ZNF865: variants seen among roughly 807,000 people sequenced by gnomAD.
The protein encoded by ZNF865 is zinc finger protein 865.
For missense variants in ZNF865, 1,311 were observed against 1,593.4 expected (o/e 0.82, Z 3.02); for synonymous variants, 763 against 750.8 (o/e 1.02, Z -0.27).
At position 55,616,490 on chromosome 19, in the gene ZNF865, C is replaced by A. The variant is rs1473395472; in HGVS notation, c.2872C>A (p.Arg958Ser). 2 of 1,533,832 alleles carry A rather than the reference C, an allele frequency of 1.3e-6. No homozygotes were observed. The highest frequency in any genetic ancestry group is 1.7e-6 in the Non-Finnish European group (2 of 1,145,718). Residue 958 changes from arginine to serine, a missense_variant, in exon 2 of 2, where the codon CGC becomes AGC. Physicochemically the swap from Arg to Ser is moderately radical, Grantham distance 110. Transcript: ENST00000568956. The stretch of plus-strand genomic sequence containing the variant: ...GCACCAGCGGCTGCACCTGGGCGAG[C>A]GCGCCTACCGCTGTGAGCACTGCGG... The part of the protein sequence containing the change: ...LEHQRLHLGE[R>S]AYRCEHCGKG...
rs932358956 is a variant in ZNF865, at chr19:55,613,921, C to T, written c.303C>T (p.Ser101=). 1.6e-5 allele frequency: 24 copies of T among 1,527,164 alleles called. No individual in the cohort carries two copies. Among genetic ancestry groups the T allele is most frequent in the Non-Finnish European group, 2.1e-5 (24 of 1,139,628 alleles). 94.6% of individuals were successfully genotyped at this position (1,527,164 alleles called of 1,614,324 possible). ...VPSSSSSSSS[S]SSSSSSSSSS... ...CCTCGTCCTCGTCCTCGTCCTCCTCCTCCTCCTCTTCGTCCTCCTCGTCGT... is the reference window on the plus strand; with the variant it reads ...CCTCGTCCTCGTCCTCGTCCTCCTCTTCCTCCTCTTCGTCCTCCTCGTCGT... Residue 101 remains serine (S), a synonymous_variant, in exon 2 of 2, where the codon TCC becomes TCT. Coordinates refer to ENST00000568956, the MANE Select transcript of ZNF865 (RefSeq NM_001195605.2).
At chr19:55,613,532 T>C in intron 1 of ZNF865, 61 bp from the exon 2 acceptor site, 1 of 1,378,654 alleles carries the variant, frequency 7.3e-7, no homozygotes. Context: ...CACAGCTCCA[T>C]TCACCTGCGG....
chr19:55,607,370 T>C (rs1347639217), intron 1 of ZNF865, among the ~76,000 whole-genome samples: 1 of 134,712 alleles, frequency 7.4e-6, no homozygotes, highest in African/African-American at 2.9e-5. Context: ...AAGGCCAAAG[T>C]GGGAGGATCG....
intron 1 of ZNF865, among the ~76,000 whole-genome samples, chr19:55,612,155 G>C (rs1473969443): frequency 1.3e-5 from 2 of 152,078 alleles, no homozygotes; most frequent in Non-Finnish European, 2.9e-5. Flanking sequence ...GCTGATGCAT[G>C]TGTTTCATTA....
chr19:55,613,924 C>CTCCTCTTCG lies in ZNF865; in HGVS notation c.312_320dup (p.Ser115_Ser117dup). On this transcript the variant is annotated inframe_insertion, in exon 2 of 2. Transcript: ENST00000568956. Reference sequence around the variant, plus strand: ...CGTCCTCGTCCTCGTCCTCCTCCTCCTCCTCTTCGTCCTCCTCGTCGTCAT... The same window carrying CTCCTCTTCG: ...CGTCCTCGTCCTCGTCCTCCTCCTCCTCCTCTTCGTCCTCTTCGTCCTCCTCGTCGTCAT... 1 of 1,528,192 alleles carries CTCCTCTTCG rather than the reference C, an allele frequency of 6.5e-7. No homozygotes were observed. The highest frequency in any genetic ancestry group is 8.8e-7 in the Non-Finnish European group (1 of 1,140,520). 94.7% of individuals were successfully genotyped at this position (1,528,192 alleles called of 1,614,324 possible). A position where few individuals can be genotyped will look rare whatever the true frequency, so the allele number is the denominator to read the frequency against.
At chr19:55,607,200 T>G (rs767817924) in intron 1 of ZNF865, among the ~76,000 whole-genome samples, 4 of 152,134 alleles carry the variant, frequency 2.6e-5, no homozygotes, top group African/African-American at 9.7e-5. Context: ...TGAACAACTG[T>G]TTAATGAGCA....
In ZNF865 at chr19:55,616,314, C is replaced by G. The variant is rs186274628; in HGVS notation, c.2696C>G (p.Thr899Ser). 1 of 1,522,122 alleles carries G rather than the reference C, an allele frequency of 6.6e-7. No individual in the cohort carries two copies. The highest frequency in any genetic ancestry group is 2.5e-5 in the East Asian group (1 of 40,414). 94.3% of individuals were successfully genotyped at this position (1,522,122 alleles called of 1,614,324 possible). Residue 899 changes from threonine to serine, a missense_variant, in exon 2 of 2, where the codon ACT becomes AGT. Coordinates refer to ENST00000568956, the MANE Select transcript of ZNF865 (RefSeq NM_001195605.2). The stretch of plus-strand genomic sequence containing the variant: ...CTGCGGCAGCACCGCGTGGTGCACA[C>G]TGGCGAGCGGGCCTTCAAGTGCGGC... Reference protein sequence around the residue: ...WYLRQHRVVHTGERAFKCGVC... With the variant: ...WYLRQHRVVHSGERAFKCGVC...
rs1251065448 is a variant in ZNF865, at chr19:55,613,351, G to A, written c.-26-242G>A. On this transcript the variant is annotated intron_variant, in intron 1 of 1. Transcript: ENST00000568956. ...GGAATTAGAGAAGGAAAAGAGGTGG[G>A]GAGTGGGTGGGAGTTGAGAACACAG... 2.0e-5 allele frequency among the ~76,000 whole-genome samples: 3 copies of A among 152,162 alleles called. No individual in the cohort carries two copies. In the East Asian group the frequency reaches 5.8e-4, roughly 29 times the overall value.
chr19:55,605,878 C>G (rs1980920328), intron 1 of ZNF865, 146 bp downstream of exon 1: 2 of 152,442 alleles, frequency 1.3e-5, no homozygotes. Context: ...GACCCCCAAT[C>G]ACTGCTCCCC....
At position 55,616,185 on chromosome 19, in the gene ZNF865, G is replaced by C. The variant is rs1207938809; in HGVS notation, c.2567G>C (p.Arg856Pro). 1 of 1,519,618 alleles carries C rather than the reference G, an allele frequency of 6.6e-7. No homozygotes were observed. Among genetic ancestry groups the C allele is most frequent in the East Asian group, 2.5e-5 (1 of 40,246 alleles). 94.1% of individuals were successfully genotyped at this position (1,519,618 alleles called of 1,614,324 possible). ...RGFRCPVCGK[R>P]FWEAALLMRH... is the part of the protein sequence containing the mutation. ...TTCCGCTGCCCGGTGTGCGGGAAGC[G>C]CTTCTGGGAGGCGGCCCTGCTGATG... Residue 856 changes from arginine (R) to proline (P), a missense_variant, in exon 2 of 2, where the codon CGC becomes CCC. Physicochemically the swap from Arg to Pro is moderately radical, Grantham distance 103 (BLOSUM62 -2). Transcript: ENST00000568956.
At chr19:55,613,371 A>C (rs1981206249) in intron 1 of ZNF865, among the ~76,000 whole-genome samples, 1 of 152,118 alleles carries the variant, frequency 6.6e-6, no homozygotes, top group Non-Finnish European at 1.5e-5. Context: ...GGAGTTGAGA[A>C]CACAGAGAGG....
rs1302105147 is a variant in ZNF865, at chr19:55,611,902, G to A, written c.-26-1691G>A. Among the ~76,000 whole-genome samples, 1 of 152,206 alleles carries A rather than the reference G, an allele frequency of 6.6e-6. No homozygotes were observed. Among genetic ancestry groups the A allele is most frequent in the Non-Finnish European group, 1.5e-5 (1 of 68,044 alleles). On this transcript the variant is annotated intron_variant, in intron 1 of 1. Transcript: ENST00000568956. This position sits in a 1 kb window ranked among gnomAD's most constrained non-coding sequence, Gnocchi z 4.5. Reference sequence around the variant, plus strand: ...ACGGGTGCTGAGGGTCTGGTGTGGTGTGGGGTACACACATGGATACCTGCC... The same window carrying A: ...ACGGGTGCTGAGGGTCTGGTGTGGTATGGGGTACACACATGGATACCTGCC...
chr19:55,613,648 C>T lies in ZNF865; in HGVS notation c.30C>T (p.Ala10=), dbSNP rs1161247202. ...AGGCGAACCCAGCGGGCAGCGGCGC[C>T]GGGGGTGGCGGGAGCAGCGGCATCG... is the stretch of plus-strand genomic sequence containing the variant. MEANPAGSG[A]GGGGSSGIGG... The change falls in exon 2 of 2, where the codon GCC becomes GCT. Residue 10 remains alanine, a synonymous_variant. Transcript: ENST00000568956. 36 of 1,525,464 alleles carry T rather than the reference C, an allele frequency of 2.4e-5. No individual in the cohort carries two copies. The highest frequency in any genetic ancestry group is 1.2e-5 in the South Asian group (1 of 82,694). The allele number at this position is 1,525,464 out of a possible 1,614,324, so 94.5% of individuals were successfully genotyped here.
rs539300841 is a variant in ZNF865 at position 55,613,769 on chromosome 19, C to T, written c.151C>T (p.His51Tyr). 23 of 1,533,972 alleles carry T rather than the reference C, an allele frequency of 1.5e-5. No individual in the cohort carries two copies. Among genetic ancestry groups the T allele is most frequent in the Non-Finnish European group, 1.9e-5 (22 of 1,145,910 alleles). Residue 51 changes from histidine (H) to tyrosine (Y), a missense_variant, in exon 2 of 2, where the codon CAC becomes TAC. Physicochemically the swap from His to Tyr is moderately conservative, Grantham distance 83. Transcript: ENST00000568956. ...RFEPMELYGE[H>Y]AKAVAALPCA... ...CGAGCCCATGGAACTGTATGGGGAA[C>T]ACGCCAAGGCGGTGGCGGCCCTGCC...
In ZNF865 at chr19:55,615,211, C is replaced by CGGCGCGGGGACCAGCGGGGCGGGA. The variant is rs1981308442; in HGVS notation, c.1597_1620dup (p.Ala533_Gly540dup). ...TGGGCGCCCACCCGCTGCTGCTCGGCGGCGCGGGGACCAGCGGGGCGGGAG... is the reference window on the plus strand; with the variant it reads ...TGGGCGCCCACCCGCTGCTGCTCGGCGGCGCGGGGACCAGCGGGGCGGGAGGCGCGGGGACCAGCGGGGCGGGAG... On this transcript the variant is annotated inframe_insertion, in exon 2 of 2. Coordinates refer to ENST00000568956, the MANE Select transcript of ZNF865 (RefSeq NM_001195605.2). 9.6e-6 allele frequency: 14 copies of CGGCGCGGGGACCAGCGGGGCGGGA among 1,451,862 alleles called. No individual in the cohort carries two copies. The highest frequency in any genetic ancestry group is 2.8e-5 in the Admixed American group (1 of 36,324). 89.9% of individuals were successfully genotyped at this position (1,451,862 alleles called of 1,614,324 possible). A position where few individuals can be genotyped will look rare whatever the true frequency, so the allele number is the denominator to read the frequency against.
At position 55,615,668 on chromosome 19, in the gene ZNF865, G is replaced by A. The variant is rs1445251779; in HGVS notation, c.2050G>A (p.Val684Ile). Reference sequence around the variant, plus strand: ...CGAGCACTTCCCGGATCTCTTTCACGTCATGAGTCACAAGGAGGTCCACAT... The same window carrying A: ...CGAGCACTTCCCGGATCTCTTTCACATCATGAGTCACAAGGAGGTCCACAT... ...CGEHFPDLFH[V>I]MSHKEVHMAE... The change falls in exon 2 of 2, where the codon GTC becomes ATC. Residue 684 changes from valine (V) to isoleucine (I), a missense_variant. Val to Ile is a conservative substitution (Grantham distance 29, BLOSUM62 3). Coordinates refer to ENST00000568956, the MANE Select transcript of ZNF865 (RefSeq NM_001195605.2). The A allele has an allele frequency of 5.9e-6, 9 of 1,534,530 alleles. No individual in the cohort carries two copies. The highest frequency in any genetic ancestry group is 1.4e-5 in the African/African-American group (1 of 72,890).
intron 1 of ZNF865, among the ~76,000 whole-genome samples, chr19:55,609,143 C>A (rs954100660): frequency 1.3e-5 from 2 of 152,140 alleles, no homozygotes; most frequent in African/African-American, 4.8e-5. Flanking sequence ...CTCAGCTTCC[C>A]CACTAGCTGG....
At chr19:55,607,416 A>G (rs1229567171) in intron 1 of ZNF865, among the ~76,000 whole-genome samples, 2 of 149,288 alleles carry the variant, frequency 1.3e-5, no homozygotes, top group Non-Finnish European at 3.0e-5. Flanking sequence ...CCTCGGCAAC[A>G]TAGTGAGACC....
At chr19:55,606,898 G>A (rs1980963658) in intron 1 of ZNF865, among the ~76,000 whole-genome samples, 1 of 152,210 alleles carries the variant, frequency 6.6e-6, no homozygotes, top group Non-Finnish European at 1.5e-5. Flanking sequence ...CTTTAGAGGT[G>A]AAAGCTGAAT....
Sources: gnomAD v4.1 joint callset for allele counts (sites outside exome capture counted in the v4.1 genomes callset) on GRCh38, gnomAD v4.1.1 for gene constraint, Gnocchi (gnomAD v3.1) non-coding constraint, MANE v1.5 for transcripts, NCBI Gene and HGNC (gene_info 2026-07-23, HGNC 2026-07-21) for gene names.